The following TPCN2 variants were observed in gnomAD, a reference collection of about 807,000 sequenced individuals.
TPCN2 encodes the protein two pore channel protein 2.
TPCN2 carries 92 observed loss-of-function variants against 111.4 expected under a neutral mutation model. That is an observed-to-expected ratio of 0.83 (90% CI 0.70 to 0.98). The LOEUF (loss-of-function observed/expected upper bound fraction) is 0.98. Among genes scored for constraint, TPCN2 ranks in the 50% least tolerant of loss-of-function variants. The pLI, the probability that TPCN2 is intolerant of heterozygous loss-of-function variation, is 0.00. For missense variants in TPCN2, 995 were observed against 980.1 expected, an observed-to-expected ratio of 1.02 and a Z score of -0.20; for synonymous variants, 405 against 414.5, an observed-to-expected ratio of 0.98 and a Z score of 0.28.
Position 69,090,022 on chromosome 11 carries a change from T to TA in TPCN2, c.*2070dup, listed in dbSNP as rs1753095099. ...CTTGCCTGCCCCTTTCTCTTTCATT[T>TA]ATTGGAGTGAGCTGCAGCTCTAAGA... is the stretch of plus-strand genomic sequence containing the variant. On this transcript the variant is annotated 3_prime_UTR_variant, in exon 25 of 25. Coordinates refer to ENST00000294309, the MANE Select transcript of TPCN2 (RefSeq NM_139075.4). 1 of 152,350 alleles carries TA rather than the reference T, an allele frequency of 6.6e-6. No homozygotes were observed. Among genetic ancestry groups the TA allele is most frequent in the Non-Finnish European group, 1.5e-5 (1 of 68,028 alleles). 9.4% of individuals were successfully genotyped at this position (152,350 alleles called of 1,614,324 possible).
Position 69,054,859 on chromosome 11 carries a change from C to G in TPCN2, c.251+62C>G. The G allele has an allele frequency of 2.6e-6, 4 of 1,540,046 alleles. No individual in the cohort carries two copies. In the East Asian group the frequency reaches 6.9e-5, roughly 27 times the overall value. ...CGGCTTGCGTGGCAGGGGAGGCTGG[C>G]CCCCACCTGGGGATCACCTGGTCTC... On this transcript the variant is annotated intron_variant, in intron 3 of 24. Transcript: ENST00000294309.
At chr11:69,086,656 C>T (rs1436682239) in intron 23 of TPCN2, 52 bp downstream of exon 23, 2 of 1,528,680 alleles carry the variant, frequency 1.3e-6, no homozygotes, top group African/African-American at 1.4e-5. Flanking sequence ...GTTTCTAATT[C>T]ACTCTCGATG....
At position 69,083,969 on chromosome 11, in the gene TPCN2, G is replaced by T; in HGVS notation, c.1714G>T (p.Val572Phe). 6.2e-7 allele frequency: 1 copy of T among 1,614,152 alleles called. No homozygotes were observed. The highest frequency in any genetic ancestry group is 1.1e-5 in the South Asian group (1 of 91,074). The part of the protein sequence containing the change: ...MKLMAVVAST[V>F]LGLVQNMRAF... Reference sequence around the variant, plus strand: ...GCTGATGGCCGTGGTGGCCAGTACCGTCCTGGGCCTGGTGCAGAACATGCG... The same window carrying T: ...GCTGATGGCCGTGGTGGCCAGTACCTTCCTGGGCCTGGTGCAGAACATGCG... The change falls in exon 19 of 25, where the codon GTC becomes TTC. Residue 572 changes from valine to phenylalanine, a missense_variant. By Grantham distance (50) the Val-to-Phe change is conservative. Coordinates refer to ENST00000294309, the MANE Select transcript of TPCN2 (RefSeq NM_139075.4).
Position 69,049,028 on chromosome 11 carries a change from C to G in TPCN2, c.31C>G (p.Leu11Val), listed in dbSNP as rs1375581654. The G allele has an allele frequency of 1.6e-6, 2 of 1,241,342 alleles. No homozygotes were observed. Among genetic ancestry groups the G allele is most frequent in the Non-Finnish European group, 2.0e-6 (2 of 988,492 alleles). The allele number at this position is 1,241,342 out of a possible 1,614,324, so 76.9% of individuals were successfully genotyped here. A position where few individuals can be genotyped will look rare whatever the true frequency, so the allele number is the denominator to read the frequency against. Residue 11 changes from leucine (L) to valine (V), a missense_variant, in exon 1 of 25, where the codon CTG (leucine) becomes GTG (valine). By Grantham distance (32) the Leu-to-Val change is conservative (BLOSUM62 1). Transcript: ENST00000294309. The part of the protein sequence containing the change: MAEPQAESEP[L>V]LGGARGGGGD... ...GGAACCCCAGGCGGAGTCGGAGCCC[C>G]TGCTGGGCGGGGCCCGCGGCGGTGG... is the stretch of plus-strand genomic sequence containing the variant.
At position 69,049,083 on chromosome 11, in the gene TPCN2, A is replaced by G; in HGVS notation, c.86A>G (p.Tyr29Cys). The G allele has an allele frequency of 8.1e-7, 1 of 1,242,048 alleles. No homozygotes were observed. The highest frequency in any genetic ancestry group is 1.0e-6 in the Non-Finnish European group (1 of 987,952). The allele number at this position is 1,242,048 out of a possible 1,614,324, so 76.9% of individuals were successfully genotyped here. ...GACTGGCCGGCGGGGCTGACCACTT[A>G]CCGCAGCATCCAAGTCGGCCCTGGT... The part of the protein sequence containing the change: ...GGDWPAGLTT[Y>C]RSIQVGPGAA... Residue 29 changes from tyrosine (Y) to cysteine (C), a missense_variant, in exon 1 of 25, where the codon TAC (tyrosine) becomes TGC (cysteine). Tyr to Cys is a radical substitution (Grantham distance 194). Coordinates refer to ENST00000294309, the MANE Select transcript of TPCN2 (RefSeq NM_139075.4).
chr11:69,084,137 C>T (rs753559), intron 19 of TPCN2, 121 bp downstream of exon 19: 434,676 of 1,017,592 alleles, frequency 0.43, 98,570 homozygotes, highest in Non-Finnish European at 0.48. Flanking sequence ...TGGGTTCGGA[C>T]GGCAGCAGGT....
chr11:69,078,014 G>T (rs933981512), intron 13 of TPCN2, among the ~76,000 whole-genome samples: 1 of 152,154 alleles, frequency 6.6e-6, no homozygotes, highest in African/African-American at 2.4e-5. Flanking sequence ...GGAAGTGCTG[G>T]GTCTCACAAG....
intron 9 of TPCN2, 147 bp from the exon 10 acceptor site, chr11:69,071,209 C>T (rs1855521447): frequency 3.0e-6 from 2 of 671,306 alleles, no homozygotes; most frequent in African/African-American, 1.8e-5. Context: ...ACCTCGTCAT[C>T]CTCCCACCTG....
rs1442917309 is a variant in TPCN2, at chr11:69,079,156, GGGC to G, written c.1539+137_1539+139del. 6.6e-6 allele frequency: 8 copies of G among 1,212,144 alleles called. No homozygotes were observed. In the East Asian group the frequency reaches 2.0e-4, roughly 30 times the overall value. 75.1% of individuals were successfully genotyped at this position (1,212,144 alleles called of 1,614,324 possible). ...GGTGGGCTTCTGCTCTCAGTGGTGA[GGGC>G]TGGCTTCCCTGCTGGCCGAGTTGCT... On this transcript the variant is annotated intron_variant, in intron 16 of 24. Coordinates refer to ENST00000294309, the MANE Select transcript of TPCN2 (RefSeq NM_139075.4).
At chr11:69,050,627 C>T (rs1004450353) in intron 1 of TPCN2, among the ~76,000 whole-genome samples, 15 of 152,242 alleles carry the variant, frequency 9.9e-5, no homozygotes, top group Admixed American at 7.2e-4. Flanking sequence ...ATCTGCCTGC[C>T]TCGGCCTCCC....
At position 69,070,484 on chromosome 11, in the gene TPCN2, T is replaced by C; in HGVS notation, c.884T>C (p.Phe295Ser). ...GCCTATGCCATCTTCTTCATAGTCTTCACTGTGATAGGTGAGTGCAGGTAA... is the reference window on the plus strand; with the variant it reads ...GCCTATGCCATCTTCTTCATAGTCTCCACTGTGATAGGTGAGTGCAGGTAA... ...NRAYAIFFIVFTVIGSLFLMN... is the reference protein window; with the variant it reads ...NRAYAIFFIVSTVIGSLFLMN... The change falls in exon 9 of 25, where the codon TTC (phenylalanine) becomes TCC (serine). Residue 295 changes from phenylalanine (F) to serine (S), a missense_variant. Coordinates refer to ENST00000294309, the MANE Select transcript of TPCN2 (RefSeq NM_139075.4). 6.2e-7 allele frequency: 1 copy of C among 1,608,392 alleles called. No homozygotes were observed. Among genetic ancestry groups the C allele is most frequent in the Non-Finnish European group, 8.5e-7 (1 of 1,177,420 alleles).
At chr11:69,082,509 C>T (rs552641570) in intron 18 of TPCN2, among the ~76,000 whole-genome samples, 50 of 152,378 alleles carry the variant, frequency 3.3e-4, no homozygotes, top group East Asian at 2.3e-3. Context: ...GACGCATGAT[C>T]GTGTGTGCAC....
chr11:69,069,183 C>T (rs1262143317), intron 8 of TPCN2, among the ~76,000 whole-genome samples: 1 of 144,756 alleles, frequency 6.9e-6, no homozygotes, highest in Non-Finnish European at 1.5e-5. Context: ...CTGTCTGAGT[C>T]CTAGCAAGTG....
chr11:69,086,549 G>C lies in TPCN2; in HGVS notation c.2030G>C (p.Trp677Ser), dbSNP rs768669044. 19 of 1,613,964 alleles carry C rather than the reference G, an allele frequency of 1.2e-5. No homozygotes were observed. Among genetic ancestry groups the C allele is most frequent in the Non-Finnish European group, 1.6e-5 (19 of 1,179,994 alleles). Residue 677 changes from tryptophan (W) to serine (S), a missense_variant, in exon 23 of 25, where the codon TGG (tryptophan) becomes TCG (serine). Trp to Ser is a radical substitution (Grantham distance 177). Transcript: ENST00000294309. ...GPWSKIYFVL[W>S]WLVSSVIWVN... ...TGGTCCAAGATCTATTTTGTATTGT[G>C]GTGGCTGGTGTCGTCTGTCATCTGG...
At chr11:69,073,246 T>C (rs1174005971) in intron 13 of TPCN2, among the ~76,000 whole-genome samples, 1 of 152,268 alleles carries the variant, frequency 6.6e-6, no homozygotes, top group African/African-American at 2.4e-5. Context: ...GTCTTCCAAA[T>C]GGTCTTCTCG....
At chr11:69,077,181 C>T (rs1245717124) in intron 13 of TPCN2, among the ~76,000 whole-genome samples, 249 of 8,462 alleles carry the variant, frequency 0.029, no homozygotes, top group East Asian at 0.058. Flanking sequence ...CTGCCGTGTC[C>T]CTTCACCTGC....
At chr11:69,072,226 G>GC (rs35161115) in intron 11 of TPCN2, among the ~76,000 whole-genome samples, 59,509 of 151,794 alleles carry the variant, frequency 0.39, 12,738 homozygotes, top group Non-Finnish European at 0.5. Flanking sequence ...TTGTCTTCGT[G>GC]CCCCCCGGGG....
In TPCN2 at chr11:69,052,907, G is replaced by A. The variant is rs532925555; in HGVS notation, c.110-1126G>A. Among the ~76,000 whole-genome samples, 3 of 152,352 alleles carry A rather than the reference G, an allele frequency of 2.0e-5. No individual in the cohort carries two copies. The East Asian group carries it at 5.8e-4, about 29-fold the overall frequency. On this transcript the variant is annotated intron_variant, in intron 1 of 24. Coordinates refer to ENST00000294309, the MANE Select transcript of TPCN2 (RefSeq NM_139075.4). Reference sequence around the variant, plus strand: ...AAAGCAGCTGCTTCACCCTCTCCCCGTGCTGGGAAGTGTCAGCCTCTCCGG... The same window carrying A: ...AAAGCAGCTGCTTCACCCTCTCCCCATGCTGGGAAGTGTCAGCCTCTCCGG...
At chr11:69,070,651 AGATCCCCCACCAACAGCTTCACCCGAGG>A (rs1855482082) in intron 9 of TPCN2, among the ~76,000 whole-genome samples, 156 bp downstream of exon 9, 1 of 149,974 alleles carries the variant, frequency 6.7e-6, no homozygotes, top group South Asian at 2.1e-4. Context: ...TTAACCCCAG[AGATCCCCCACCAACAGCTTCACCCGAGG>A]GATCCCCCAC....
Sources: gnomAD v4.1 joint callset for allele counts (sites outside exome capture counted in the v4.1 genomes callset) on GRCh38, gnomAD v4.1.1 for gene constraint, MANE v1.5 for transcripts, NCBI Gene and HGNC (gene_info 2026-07-23, HGNC 2026-07-21) for gene names.